RPS27L: variants seen among roughly 807,000 people sequenced by gnomAD.
RPS27L encodes ribosomal protein S27 like, also known as ribosomal protein eS27-like.
A neutral mutation model predicts 12.8 loss-of-function variants in RPS27L; 10 were observed. The observed-to-expected ratio is 0.78, with a 90% CI of 0.48 to 1.33. The LOEUF is 1.33. Among genes scored for constraint, RPS27L ranks in the 40% most tolerant of loss-of-function variants. The pLI, the probability that RPS27L is intolerant of heterozygous loss-of-function variation, is 0.00. For missense variants in RPS27L, 81 were observed against 97.4 expected, an observed-to-expected ratio of 0.83 and a Z score of 0.71; for synonymous variants, 26 against 32.3, an observed-to-expected ratio of 0.81 and a Z score of 0.66.
At chr15:63,156,559 C>T (rs1260973893) in intron 1 of RPS27L, 38 bp from the exon 2 acceptor site, 3 of 1,257,926 alleles carry the variant, frequency 2.4e-6, no homozygotes, top group Non-Finnish European at 3.5e-6. Flanking sequence ...TAGTTTTAAA[C>T]CACAACGCTG....
Position 63,154,053 on chromosome 15 carries a change from T to C in RPS27L, c.234A>G (p.Ser78=), listed in dbSNP as rs1393636177. 1.2e-6 allele frequency: 2 copies of C among 1,608,318 alleles called. No individual in the cohort carries two copies. Among genetic ancestry groups the C allele is most frequent in the African/African-American group, 1.3e-5 (1 of 74,786 alleles). The change falls in exon 4 of 4, where the codon TCA becomes TCG. Residue 78 remains serine (S), a synonymous_variant. Coordinates refer to ENST00000330964, the MANE Select transcript of RPS27L (RefSeq NM_015920.4). ...GGKARLTEGC[S]FRRKQH ...ATCATTAGTGTTGCTTTCTTCTAAA[T>C]GAACACCCTGCAAAAGAATCATGAG...
chr15:63,150,238 T>C lies in RPS27L; in HGVS notation c.*3794A>G, dbSNP rs1290941933. ...TGAAAACATTATGCTAAGTGAAACA[T>C]ACAGAAGCTACATACCATGTGATTC... On this transcript the variant is annotated 3_prime_UTR_variant, in exon 4 of 4. Coordinates refer to ENST00000330964, the MANE Select transcript of RPS27L (RefSeq NM_015920.4). The C allele has an allele frequency of 6.6e-6, 1 of 152,198 alleles. No homozygotes were observed. The highest frequency in any genetic ancestry group is 1.5e-5 in the Non-Finnish European group (1 of 68,030). 9.4% of individuals were successfully genotyped at this position (152,198 alleles called of 1,614,324 possible).
rs1485390631 is a variant in RPS27L at position 63,156,522 on chromosome 15, C to T, written c.7-1G>A. The T allele has an allele frequency of 1.3e-6, 2 of 1,568,164 alleles. No individual in the cohort carries two copies. The highest frequency in any genetic ancestry group is 1.8e-6 in the Non-Finnish European group (2 of 1,141,534). On this transcript the variant is annotated splice_acceptor_variant, in intron 1 of 3. Transcript: ENST00000330964. LOFTEE classifies it high-confidence loss of function. ...ACGGATGTAGTAAATCTCTAGCCAA[C>T]TGAACAAAGAAGCATATTATTACTA... is the stretch of plus-strand genomic sequence containing the variant.
chr15:63,157,235 G>T, intron 1 of RPS27L, 165 bp downstream of exon 1: 2 of 768,146 alleles, frequency 2.6e-6, no homozygotes, highest in African/African-American at 1.7e-5. Flanking sequence ...CGCGGTGACC[G>T]GGCAAGTCAC....
chr15:63,154,835 T>C (rs922882968), intron 3 of RPS27L: 4 of 152,114 alleles, frequency 2.6e-5, no homozygotes, highest in Admixed American at 2.6e-4. Context: ...ATATTAATCA[T>C]TGCAGTTGCT....
chr15:63,157,466 C>A lies in RPS27L; in HGVS notation c.-61G>T. 6.2e-7 allele frequency: 1 copy of A among 1,602,726 alleles called. No homozygotes were observed. Among genetic ancestry groups the A allele is most frequent in the Non-Finnish European group, 8.5e-7 (1 of 1,169,820 alleles). On this transcript the variant is annotated 5_prime_UTR_variant, in exon 1 of 4. Coordinates refer to ENST00000330964, the MANE Select transcript of RPS27L (RefSeq NM_015920.4). ...CCCAGCCCACACAGCTAGCAAGCTG[C>A]AAGCGATCTGCGCTCGGCATCAACT...
chr15:63,157,255 G>C, intron 1 of RPS27L, 145 bp downstream of exon 1: 1 of 914,240 alleles, frequency 1.1e-6, no homozygotes, highest in Admixed American at 1.9e-5. Flanking sequence ...CTACATGCCC[G>C]CCACGCGCGA....
rs1739365406 is a variant in RPS27L, at chr15:63,151,920, T to C, written c.*2112A>G. ...ACAATGGTGTCCAATCTGATTTCAA[T>C]TTTGAGAAACTGTATGGAGCCCAAA... On this transcript the variant is annotated 3_prime_UTR_variant, in exon 4 of 4. Transcript: ENST00000330964. 1 of 152,244 alleles carries C rather than the reference T, an allele frequency of 6.6e-6. No individual in the cohort carries two copies. Among genetic ancestry groups the C allele is most frequent in the South Asian group, 2.1e-4 (1 of 4,836 alleles). The allele number at this position is 152,244 out of a possible 1,614,324, so 9.4% of individuals were successfully genotyped here.
chr15:63,156,092 A>G (rs956351082), intron 2 of RPS27L, among the ~76,000 whole-genome samples: 7 of 152,182 alleles, frequency 4.6e-5, no homozygotes, highest in Non-Finnish European at 1.0e-4. Flanking sequence ...GCTAATGGCC[A>G]TTGTATTGGG....
rs2037303246 is a variant in RPS27L at position 63,152,096 on chromosome 15, G to A, written c.*1936C>T. The A allele has an allele frequency of 6.6e-6, 1 of 152,356 alleles. No individual in the cohort carries two copies. Among genetic ancestry groups the A allele is most frequent in the South Asian group, 2.1e-4 (1 of 4,826 alleles). 9.4% of individuals were successfully genotyped at this position (152,356 alleles called of 1,614,324 possible). On this transcript the variant is annotated 3_prime_UTR_variant, in exon 4 of 4. Coordinates refer to ENST00000330964, the MANE Select transcript of RPS27L (RefSeq NM_015920.4). The stretch of plus-strand genomic sequence containing the variant: ...AGGCCAGGAGTTCCTTACAGCCTGG[G>A]CAACACAGCCAGAGCCCCATCTCTA...
rs574178756 is a variant in RPS27L, at chr15:63,154,036, T to G, written c.251A>C (p.His84Pro). 2.5e-6 allele frequency: 4 copies of G among 1,607,910 alleles called. No individual in the cohort carries two copies. The highest frequency in any genetic ancestry group is 1.7e-5 in the Admixed American group (1 of 59,928). ...TTCAGGAAGCTGTTTGAATCATTAG[T>G]GTTGCTTTCTTCTAAATGAACACCC... ...TEGCSFRRKQ[H>P] Residue 84 changes from histidine to proline, a missense_variant, in exon 4 of 4, where the codon CAC becomes CCC. Transcript: ENST00000330964.
intron 1 of RPS27L, 43 bp downstream of exon 1, chr15:63,157,357 A>C: frequency 6.2e-7 from 1 of 1,612,766 alleles, no homozygotes; most frequent in East Asian, 2.2e-5. Context: ...ACTCTCGGTA[A>C]AGAAGCCCAA....
rs1356386374 is a variant in RPS27L, at chr15:63,155,793, AT to A, written c.116-63del. 3 of 942,542 alleles carry A rather than the reference AT, an allele frequency of 3.2e-6. No individual in the cohort carries two copies. The Admixed American group carries it at 1.1e-4, about 34-fold the overall frequency. The allele number at this position is 942,542 out of a possible 1,614,324, so 58.4% of individuals were successfully genotyped here. On this transcript the variant is annotated intron_variant, in intron 2 of 3. Transcript: ENST00000330964. ...CAGAGGAAAACAGCACCTGTTCGAC[AT>A]TTCTGGTAATATGTAAAAAAATCAG... is the stretch of plus-strand genomic sequence containing the variant.
In RPS27L at chr15:63,153,859, C is replaced by T. The variant is rs1201454825; in HGVS notation, c.*173G>A. 1.5e-5 allele frequency: 9 copies of T among 588,964 alleles called. No individual in the cohort carries two copies. The highest frequency in any genetic ancestry group is 2.4e-5 in the Non-Finnish European group (8 of 327,680). 36.5% of individuals were successfully genotyped at this position (588,964 alleles called of 1,614,324 possible). A position where few individuals can be genotyped will look rare whatever the true frequency, so the allele number is the denominator to read the frequency against. ...AAAAAAGAAAAAGAGGGGATTTGCC[C>T]ATAATCAAAACTTTATTGAAAAACT... is the stretch of plus-strand genomic sequence containing the variant. On this transcript the variant is annotated 3_prime_UTR_variant, in exon 4 of 4. Transcript: ENST00000330964.
rs2141086495 is a variant in RPS27L at position 63,155,608 on chromosome 15, C to G, written c.226+13G>C. 6.5e-7 allele frequency: 1 copy of G among 1,534,088 alleles called. No homozygotes were observed. Among genetic ancestry groups the G allele is most frequent in the Middle Eastern group, 1.7e-4 (1 of 5,872 alleles). On this transcript the variant is annotated intron_variant, in intron 3 of 3. Coordinates refer to ENST00000330964, the MANE Select transcript of RPS27L (RefSeq NM_015920.4). The stretch of plus-strand genomic sequence containing the variant: ...AATCTCATCACTGGGTTGGAGAATG[C>G]CAAATGATATACCTTCTGTGAGTCT...
intron 2 of RPS27L, among the ~76,000 whole-genome samples, 196 bp from the exon 3 acceptor site, chr15:63,155,927 CTT>C (rs1451424354): frequency 2.6e-5 from 4 of 152,132 alleles, no homozygotes; most frequent in Admixed American, 6.5e-5. Flanking sequence ...TTTCATTAAA[CTT>C]AATATTTCCA....
At position 63,148,319 on chromosome 15, in the gene RPS27L, AAAAT is replaced by A. The variant is rs2037277547; in HGVS notation, c.*5709_*5712del. 1 of 139,904 alleles carries A rather than the reference AAAAT, an allele frequency of 7.1e-6. No homozygotes were observed. The highest frequency in any genetic ancestry group is 2.2e-4 in the South Asian group (1 of 4,612). 8.7% of individuals were successfully genotyped at this position (139,904 alleles called of 1,614,324 possible). ...AAAGTTTGTCACATAAAAATGAATA[AAAAT>A]AAATATGTTGGTATTTTAATTAGTT... On this transcript the variant is annotated 3_prime_UTR_variant, in exon 4 of 4. Coordinates refer to ENST00000330964, the MANE Select transcript of RPS27L (RefSeq NM_015920.4).
intron 2 of RPS27L, 27 bp downstream of exon 2, chr15:63,156,386 T>C: frequency 7.7e-7 from 1 of 1,297,794 alleles, no homozygotes; most frequent in Non-Finnish European, 1.1e-6. Flanking sequence ...TTTTCTTTAG[T>C]AAAGGAATTA....
chr15:63,156,544 A>T (rs201136953), intron 1 of RPS27L, 23 bp from the exon 2 acceptor site: 28 of 1,420,666 alleles, frequency 2.0e-5, no homozygotes, highest in Non-Finnish European at 2.8e-5. Flanking sequence ...GCATATTATT[A>T]CTATTAGTTT....
Sources: allele counts gnomAD v4.1 joint callset (sites outside exome capture counted in the v4.1 genomes callset), GRCh38; gene constraint gnomAD v4.1.1; transcripts MANE v1.5; gene names NCBI Gene and HGNC (gene_info 2026-07-23, HGNC 2026-07-21).